Variants in FARP2 observed in about 807,000 individuals in gnomAD.
FARP2 encodes the protein FERM, ARHGEF and pleckstrin domain-containing protein 2.
In FARP2, 111 loss-of-function variants were observed where a neutral mutation model predicts 130.5. The ratio of observed to expected loss-of-function variants is 0.85; its 90% confidence interval spans 0.73 to 1.00. FARP2 has a LOEUF of 1.00. Among genes scored for constraint, FARP2 ranks in the 50% least tolerant of loss-of-function variants. The probability of loss-of-function intolerance (pLI) is 0.00; values close to 1 mark genes in which losing one functional copy is unlikely to be tolerated. For synonymous variants in FARP2, 504 were observed against 516.9 expected (o/e 0.98, Z 0.34); for missense variants, 1,385 against 1,346.3 (o/e 1.03, Z -0.45).
At chr2:241,383,150 C>T (rs1016934374) in intron 2 of FARP2, among the ~76,000 whole-genome samples, 6 of 152,236 alleles carry the variant, frequency 3.9e-5, no homozygotes, top group Admixed American at 1.3e-4. Context: ...TGCTGAGCCT[C>T]GGTGTGCACC....
intron 13 of FARP2, among the ~76,000 whole-genome samples, chr2:241,450,062 A>G (rs2063610670): frequency 6.6e-6 from 1 of 152,044 alleles, no homozygotes; most frequent in East Asian, 1.9e-4. Flanking sequence ...ACAGTCTGAA[A>G]TAACAGTTTT....
chr2:241,406,634 G>C (rs1337649036), intron 4 of FARP2, among the ~76,000 whole-genome samples: 2 of 151,310 alleles, frequency 1.3e-5, no homozygotes, highest in African/African-American at 4.9e-5. Context: ...TTTTGGGGGG[G>C]AGAGGGGCGG....
At chr2:241,439,267 C>T (rs1206981234) in intron 12 of FARP2, among the ~76,000 whole-genome samples, 1 of 152,142 alleles carries the variant, frequency 6.6e-6, no homozygotes, top group Non-Finnish European at 1.5e-5. Context: ...ATCCTTCTGC[C>T]TCAGCCTCCC....
intron 12 of FARP2, among the ~76,000 whole-genome samples, chr2:241,437,666 A>ATTTTTTTTTTTTTTTTT (rs1243876155): frequency 3.1e-5 from 4 of 129,242 alleles, no homozygotes; most frequent in South Asian, 2.5e-4. Context: ...TTATTTATTT[A>ATTTTTTTTTTTTTTTTT]TTTATTTTTT....
At chr2:241,402,181 G>C (rs1357830042) in intron 2 of FARP2, among the ~76,000 whole-genome samples, 1 of 152,148 alleles carries the variant, frequency 6.6e-6, no homozygotes, top group Non-Finnish European at 1.5e-5. Flanking sequence ...TCTAGAAGTA[G>C]AATTACTGGG....
chr2:241,485,398 C>T (rs576619078), intron 21 of FARP2, among the ~76,000 whole-genome samples: 8 of 151,280 alleles, frequency 5.3e-5, no homozygotes, highest in African/African-American at 1.9e-4. Flanking sequence ...TCCCTGTGGT[C>T]CTCCCTCCCT....
At chr2:241,382,296 T>TC (rs1163179924) in intron 2 of FARP2, among the ~76,000 whole-genome samples, 9 of 148,022 alleles carry the variant, frequency 6.1e-5, no homozygotes, top group Non-Finnish European at 1.2e-4. Context: ...AAATCTATTT[T>TC]TTTTTTTTTT....
chr2:241,474,360 G>A (rs2064399463), intron 18 of FARP2, among the ~76,000 whole-genome samples: 2 of 135,342 alleles, frequency 1.5e-5, no homozygotes, highest in African/African-American at 5.4e-5. Flanking sequence ...AGATAGAGCT[G>A]GAACAGTCAG....
intron 5 of FARP2, 79 bp from the exon 6 acceptor site, chr2:241,410,954 C>A: frequency 9.9e-7 from 1 of 1,008,084 alleles, no homozygotes; most frequent in Non-Finnish European, 1.5e-6. Flanking sequence ...CATTTGCTGT[C>A]TTGCTGTGGA....
chr2:241,452,022 TG>T lies in FARP2; in HGVS notation c.1412-4722del, dbSNP rs557267456. Among the ~76,000 whole-genome samples, 7 of 152,354 alleles carry T rather than the reference TG, an allele frequency of 4.6e-5. No individual in the cohort carries two copies. In the South Asian group the frequency reaches 1.0e-3, roughly 23 times the overall value. On this transcript the variant is annotated intron_variant, in intron 13 of 26. Transcript: ENST00000264042. ...CACCTGCTTGAGCTTCCCAAAGTGCTGGGATTACAGGCGTAAGCCCGGCCAA... is the reference window on the plus strand; with the variant it reads ...CACCTGCTTGAGCTTCCCAAAGTGCTGGATTACAGGCGTAAGCCCGGCCAA...
intron 6 of FARP2, 132 bp from the exon 7 acceptor site, chr2:241,413,175 T>G (rs2062568572): frequency 1.7e-6 from 1 of 574,202 alleles, no homozygotes; most frequent in South Asian, 2.4e-5. Context: ...ATAAAAAATC[T>G]TGCTTTTTTA....
intron 21 of FARP2, 74 bp downstream of exon 21, chr2:241,484,405 A>T: frequency 8.1e-7 from 1 of 1,233,626 alleles, no homozygotes; most frequent in Non-Finnish European, 1.2e-6. Flanking sequence ...TCTCCTGCAG[A>T]GGCGAATCCT....
At chr2:241,452,122 C>T (rs571491667) in intron 13 of FARP2, among the ~76,000 whole-genome samples, 2 of 152,318 alleles carry the variant, frequency 1.3e-5, no homozygotes, top group Admixed American at 6.5e-5. Flanking sequence ...AGGAGCACTA[C>T]GGCCAAGTGT....
intron 2 of FARP2, among the ~76,000 whole-genome samples, chr2:241,385,750 C>T (rs2061769168): frequency 6.6e-6 from 1 of 152,040 alleles, no homozygotes; most frequent in South Asian, 2.1e-4. Context: ...ATTTTAATTA[C>T]CTATTTGCCC....
intron 1 of FARP2, among the ~76,000 whole-genome samples, chr2:241,368,855 A>T (rs2061368893): frequency 6.6e-6 from 1 of 152,174 alleles, no homozygotes; most frequent in Non-Finnish European, 1.5e-5. Context: ...ATTTAGTGTT[A>T]AAGTCTTAAA....
rs1574818579 is a variant in FARP2 at position 241,434,986 on chromosome 2, A to G, written c.1056A>G (p.Val352=). ...RYSGRTQKQL[V]DYFKDSGMKR... The stretch of plus-strand genomic sequence containing the variant: ...GTGGAAGAACTCAGAAACAACTAGT[A>G]GATTATTTCAAAGACAGTGGAATGA... The change falls in exon 11 of 27, where the codon GTA becomes GTG. Residue 352 remains valine, a synonymous_variant. Coordinates refer to ENST00000264042, the MANE Select transcript of FARP2 (RefSeq NM_014808.4). 6.3e-7 allele frequency: 1 copy of G among 1,595,380 alleles called. No homozygotes were observed. Among genetic ancestry groups the G allele is most frequent in the Middle Eastern group, 1.7e-4 (1 of 6,044 alleles).
chr2:241,492,260 T>C (rs1482897811), intron 24 of FARP2, among the ~76,000 whole-genome samples: 3 of 152,122 alleles, frequency 2.0e-5, no homozygotes, highest in Non-Finnish European at 4.4e-5. Context: ...AGCACCCCCG[T>C]GAGGGGGCTG....
intron 17 of FARP2, chr2:241,466,073 G>T: frequency 8.7e-7 from 1 of 1,147,908 alleles, no homozygotes; most frequent in Non-Finnish European, 1.1e-6. Flanking sequence ...AAAACAAAGG[G>T]ATTTGATATT....
At chr2:241,427,541 A>T (rs1280029394) in intron 8 of FARP2, among the ~76,000 whole-genome samples, 1 of 152,106 alleles carries the variant, frequency 6.6e-6, no homozygotes, top group Non-Finnish European at 1.5e-5. Flanking sequence ...ATATGCAAAT[A>T]CTACACCATT....
Sources: gnomAD v4.1 joint callset for allele counts (sites outside exome capture counted in the v4.1 genomes callset) on GRCh38, gnomAD v4.1.1 for gene constraint, MANE v1.5 for transcripts, NCBI Gene and HGNC (gene_info 2026-07-23, HGNC 2026-07-21) for gene names.